Variants in EEIG1 observed in about 807,000 individuals in gnomAD.
The protein encoded by EEIG1 is estrogen-induced osteoclastogenesis regulator 1.
At chr9:127,969,840 C>T in the EEIG1 span, among the ~76,000 whole-genome samples, 2 of 152,162 alleles carry the variant, frequency 1.3e-5, no homozygotes, top group Non-Finnish European at 2.9e-5. Context: ...CTCCAGGCTT[C>T]CGGGCACCCA....
At chr9:127,950,393 G>C in the EEIG1 span, 1 of 1,610,704 alleles carries the variant, frequency 6.2e-7, no homozygotes, top group Non-Finnish European at 8.5e-7. Context: ...CCCGTGGTCA[G>C]GGTGGCAGAG....
chr9:127,977,738 G>A, the EEIG1 span, among the ~76,000 whole-genome samples: 9 of 152,174 alleles, frequency 5.9e-5, no homozygotes, highest in African/African-American at 2.2e-4. Flanking sequence ...GGCACAAAAG[G>A]GTTGAATGCA....
the EEIG1 span, among the ~76,000 whole-genome samples, chr9:127,955,841 G>A: frequency 0.77 from 116,507 of 152,220 alleles, 46,025 homozygotes; most frequent in Non-Finnish European, 0.87. Context: ...CTGCCAAGGC[G>A]GTGACAAGGG....
chr9:127,969,290 C>A, the EEIG1 span, among the ~76,000 whole-genome samples: 1 of 152,136 alleles, frequency 6.6e-6, no homozygotes, highest in African/African-American at 2.4e-5. Flanking sequence ...TTGTCTTGGC[C>A]AAGGCAATGG....
At chr9:127,979,503 A>G in the EEIG1 span, among the ~76,000 whole-genome samples, 1 of 152,200 alleles carries the variant, frequency 6.6e-6, no homozygotes, top group Admixed American at 6.5e-5. Context: ...AGTCACTCGG[A>G]GGGGGCTGGG....
At chr9:127,956,690 C>T in the EEIG1 span, among the ~76,000 whole-genome samples, 17 of 151,370 alleles carry the variant, frequency 1.1e-4, no homozygotes, top group African/African-American at 1.5e-4. Context: ...GGATTACAGG[C>T]GTGAGCCACC....
At chr9:127,955,102 G>C in the EEIG1 span, among the ~76,000 whole-genome samples, 783 of 152,316 alleles carry the variant, frequency 5.1e-3, 6 homozygotes, top group East Asian at 0.035. Flanking sequence ...GACAGTGTGA[G>C]AGACGTTATC....
chr9:127,954,856 C>A, the EEIG1 span, among the ~76,000 whole-genome samples: 1 of 152,210 alleles, frequency 6.6e-6, no homozygotes, highest in African/African-American at 2.4e-5. Context: ...CATGACCATG[C>A]TGAAAAATTC....
the EEIG1 span, chr9:127,945,503 T>G: frequency 6.4e-7 from 1 of 1,570,138 alleles, no homozygotes; most frequent in Non-Finnish European, 8.6e-7. The surrounding 1 kb of genome is among the most constrained non-coding windows in gnomAD (Gnocchi z 6.5). Context: ...CTGGTGGACG[T>G]GTTGCGGCGG....
At chr9:127,944,734 T>G in the EEIG1 span, 1 of 1,611,614 alleles carries the variant, frequency 6.2e-7, no homozygotes, top group Non-Finnish European at 8.5e-7. Context: ...GGGCCAGCCC[T>G]TGGAGCAGGT....
the EEIG1 span, among the ~76,000 whole-genome samples, chr9:127,970,949 G>A: frequency 5.3e-5 from 8 of 152,356 alleles, no homozygotes; most frequent in East Asian, 1.5e-3. Context: ...GGAGGGCCCT[G>A]CAGGGGTGGG....
the EEIG1 span, among the ~76,000 whole-genome samples, chr9:127,957,420 T>C: frequency 1.3e-5 from 2 of 152,070 alleles, no homozygotes; most frequent in Non-Finnish European, 1.5e-5. Flanking sequence ...AAGTACAAAA[T>C]ACATACTCCG....
chr9:127,944,384 G>A, the EEIG1 span: 1 of 595,676 alleles, frequency 1.7e-6, no homozygotes, highest in Non-Finnish European at 3.0e-6. Flanking sequence ...TGTGAACTGT[G>A]GGAAACCACC....
At chr9:127,970,815 C>CCTT in the EEIG1 span, among the ~76,000 whole-genome samples, 4 of 152,234 alleles carry the variant, frequency 2.6e-5, no homozygotes, top group Admixed American at 1.3e-4. Context: ...GTGCCTCTGC[C>CCTT]GCAGGCTGCT....
chr9:127,944,318 G>A, the EEIG1 span: 5 of 528,718 alleles, frequency 9.5e-6, no homozygotes, highest in Admixed American at 3.5e-5. Flanking sequence ...AAATAAATGC[G>A]TGTGAGGCCC....
At chr9:127,976,084 C>T in the EEIG1 span, among the ~76,000 whole-genome samples, 1 of 152,224 alleles carries the variant, frequency 6.6e-6, no homozygotes, top group African/African-American at 2.4e-5. The surrounding 1 kb of genome is among the most constrained non-coding windows in gnomAD (Gnocchi z 4.1). Flanking sequence ...CTCCTAACTG[C>T]TCAGCTCTGG....
At chr9:127,953,183 T>G in the EEIG1 span, 1 of 212,562 alleles carries the variant, frequency 4.7e-6, no homozygotes, top group Non-Finnish European at 9.4e-6. Flanking sequence ...ACACAGAGGG[T>G]GCTCATTTTG....
chr9:127,950,493 G>C, the EEIG1 span: 15 of 1,613,932 alleles, frequency 9.3e-6, no homozygotes, highest in Non-Finnish European at 1.2e-5. Context: ...GCGCACCGTG[G>C]AGCCCGAGCC....
chr9:127,957,859 A>C, the EEIG1 span, among the ~76,000 whole-genome samples: 1 of 152,198 alleles, frequency 6.6e-6, no homozygotes, highest in African/African-American at 2.4e-5. Flanking sequence ...CTAAAAATAC[A>C]AAAATTAGCT....
Sources: gnomAD v4.1 joint callset for allele counts (sites outside exome capture counted in the v4.1 genomes callset) on GRCh38, gnomAD v4.1.1 for gene constraint, Gnocchi (gnomAD v3.1) non-coding constraint, MANE v1.5 for transcripts, NCBI Gene and HGNC (gene_info 2026-07-23, HGNC 2026-07-21) for gene names.